Variants in ST6GALNAC3 observed in about 807,000 individuals in gnomAD.
The protein encoded by ST6GALNAC3 is alpha-N-acetylgalactosaminide alpha-2,6-sialyltransferase 3.
ST6GALNAC3 carries 25 observed loss-of-function variants against 32.7 expected under a neutral mutation model. The observed-to-expected ratio is 0.76, with a 90% CI of 0.56 to 1.07. ST6GALNAC3 has a LOEUF of 1.07. ST6GALNAC3 is among the 50% of genes least tolerant of loss of function. The pLI is 0.00. For missense variants in ST6GALNAC3, 355 were observed against 382.4 expected, an observed-to-expected ratio of 0.93 and a Z score of 0.60; for synonymous variants, 129 against 133.1, an observed-to-expected ratio of 0.97 and a Z score of 0.21.
At chr1:76,133,459 C>T (rs1035591125) in intron 1 of ST6GALNAC3, among the ~76,000 whole-genome samples, 5 of 152,182 alleles carry the variant, frequency 3.3e-5, no homozygotes, top group African/African-American at 4.8e-5. Flanking sequence ...CTTATATCTC[C>T]GCCATGGGTT....
intron 2 of ST6GALNAC3, among the ~76,000 whole-genome samples, chr1:76,358,999 T>C (rs1302157275): frequency 2.0e-5 from 3 of 152,166 alleles, no homozygotes; most frequent in Non-Finnish European, 4.4e-5. Flanking sequence ...TGGCATCAGG[T>C]TATTAAAATA....
chr1:76,290,433 C>A (rs1660019072), intron 1 of ST6GALNAC3, among the ~76,000 whole-genome samples: 1 of 152,146 alleles, frequency 6.6e-6, no homozygotes, highest in Non-Finnish European at 1.5e-5. Flanking sequence ...ATGAATACCT[C>A]ATTATTTATT....
intron 2 of ST6GALNAC3, among the ~76,000 whole-genome samples, chr1:76,391,346 T>G (rs1557847486): frequency 6.6e-6 from 1 of 152,160 alleles, no homozygotes; most frequent in Non-Finnish European, 1.5e-5. Context: ...GCTTCTAATG[T>G]GAGTGTGTGC....
intron 1 of ST6GALNAC3, among the ~76,000 whole-genome samples, chr1:76,190,526 T>A (rs953823585): frequency 2.6e-5 from 4 of 152,222 alleles, no homozygotes; most frequent in African/African-American, 9.6e-5. Context: ...TTTAGTGAGG[T>A]AATTTCTCAC....
intron 3 of ST6GALNAC3, among the ~76,000 whole-genome samples, chr1:76,599,717 CGTGT>C (rs5775354): frequency 0.091 from 12,940 of 141,774 alleles, 655 homozygotes; most frequent in Admixed American, 0.17. Context: ...ACTACCGTAT[CGTGT>C]GTGTGTGTGT....
chr1:76,527,315 C>T (rs1330197298), intron 3 of ST6GALNAC3, among the ~76,000 whole-genome samples: 1 of 151,988 alleles, frequency 6.6e-6, no homozygotes, highest in Non-Finnish European at 1.5e-5. Context: ...GAAAGATTTG[C>T]TATGAACCAT....
chr1:76,567,494 A>G (rs1326950607), intron 3 of ST6GALNAC3, among the ~76,000 whole-genome samples: 1 of 152,200 alleles, frequency 6.6e-6, no homozygotes, highest in Non-Finnish European at 1.5e-5. Context: ...TAACAAGACA[A>G]TGTTATAAAG....
intron 3 of ST6GALNAC3, among the ~76,000 whole-genome samples, chr1:76,604,798 C>T (rs996486343): frequency 1.3e-5 from 2 of 152,156 alleles, no homozygotes; most frequent in African/African-American, 2.4e-5. Flanking sequence ...GTCACCATCC[C>T]GTCTTGTTTT....
chr1:76,192,342 T>C (rs1368764205), intron 1 of ST6GALNAC3, among the ~76,000 whole-genome samples: 1 of 152,202 alleles, frequency 6.6e-6, no homozygotes, highest in African/African-American at 2.4e-5. Context: ...GAACTGAGAT[T>C]GGTACCAGGC....
intron 1 of ST6GALNAC3, among the ~76,000 whole-genome samples, chr1:76,247,546 C>A (rs2100687126): frequency 6.6e-6 from 1 of 152,292 alleles, no homozygotes; most frequent in Admixed American, 6.5e-5. Context: ...TCTAGAGAAG[C>A]AGTCTGGCCA....
intron 2 of ST6GALNAC3, among the ~76,000 whole-genome samples, chr1:76,374,149 T>C (rs374882861): frequency 6.6e-6 from 1 of 152,192 alleles, no homozygotes; most frequent in South Asian, 2.1e-4. Flanking sequence ...TTAGCACTTA[T>C]ATAGGGCTTT....
chr1:76,207,562 G>A (rs78639812), intron 1 of ST6GALNAC3, among the ~76,000 whole-genome samples: 1,735 of 152,312 alleles, frequency 0.011, 29 homozygotes, highest in East Asian at 0.046. Context: ...AAGGCATCAC[G>A]TGGCAAACAT....
At chr1:76,156,805 C>T (rs746894285) in intron 1 of ST6GALNAC3, among the ~76,000 whole-genome samples, 2 of 152,166 alleles carry the variant, frequency 1.3e-5, no homozygotes, top group Non-Finnish European at 2.9e-5. Flanking sequence ...GATCTTGGCT[C>T]ACTGCAAGCT....
chr1:76,169,221 G>A (rs999498003), intron 1 of ST6GALNAC3, among the ~76,000 whole-genome samples: 7 of 152,106 alleles, frequency 4.6e-5, no homozygotes, highest in African/African-American at 1.7e-4. Flanking sequence ...TAGTTAGGCT[G>A]GATATAAAAT....
chr1:76,494,204 G>C (rs528222493), intron 3 of ST6GALNAC3, among the ~76,000 whole-genome samples: 2 of 151,424 alleles, frequency 1.3e-5, no homozygotes, highest in Non-Finnish European at 2.9e-5. Context: ...GTTCTTCCTA[G>C]AATCCATATC....
At chr1:76,327,965 A>G (rs76886323) in intron 2 of ST6GALNAC3, among the ~76,000 whole-genome samples, 1 of 152,210 alleles carries the variant, frequency 6.6e-6, no homozygotes, top group Non-Finnish European at 1.5e-5. Flanking sequence ...ATCACAATGT[A>G]TAATTCTTTT....
At chr1:76,217,061 C>T (rs1450594335) in intron 1 of ST6GALNAC3, among the ~76,000 whole-genome samples, 2 of 152,212 alleles carry the variant, frequency 1.3e-5, no homozygotes, top group Non-Finnish European at 2.9e-5. Context: ...TAATTTCATA[C>T]ATGATTAAAT....
intron 1 of ST6GALNAC3, among the ~76,000 whole-genome samples, chr1:76,115,180 G>T (rs554100029): frequency 1.3e-5 from 2 of 152,268 alleles, no homozygotes; most frequent in African/African-American, 4.8e-5. Context: ...TCCCTTGTTA[G>T]ATATATTACA....
At chr1:76,210,101 A>C (rs1382005545) in intron 1 of ST6GALNAC3, among the ~76,000 whole-genome samples, 1 of 151,788 alleles carries the variant, frequency 6.6e-6, no homozygotes, top group Non-Finnish European at 1.5e-5. Context: ...TCCAGAATAC[A>C]CATGCAGGAC....
Sources: gnomAD v4.1 joint callset for allele counts (sites outside exome capture counted in the v4.1 genomes callset) on GRCh38, gnomAD v4.1.1 for gene constraint, MANE v1.5 for transcripts, NCBI Gene and HGNC (gene_info 2026-07-23, HGNC 2026-07-21) for gene names.